SYNPR: variants seen among roughly 807,000 people sequenced by gnomAD.
SYNPR encodes synaptoporin.
In SYNPR, 23 loss-of-function variants were observed where a neutral mutation model predicts 32.9. The observed-to-expected ratio is 0.70, with a 90% CI of 0.50 to 0.99. The LOEUF (loss-of-function observed/expected upper bound fraction) is 0.99. Ranked by LOEUF, SYNPR falls within the 50% of genes least tolerant of loss-of-function variation. SYNPR has a pLI of 0.00. For missense variants in SYNPR, 318 were observed against 349.3 expected, an observed-to-expected ratio of 0.91 and a Z score of 0.71; for synonymous variants, 146 against 135.9, an observed-to-expected ratio of 1.07 and a Z score of -0.52.
intron 2 of SYNPR, among the ~76,000 whole-genome samples, chr3:63,361,480 C>T (rs2087660107): frequency 6.6e-6 from 1 of 151,726 alleles, no homozygotes; most frequent in Non-Finnish European, 1.5e-5. Context: ...CTCCTGTAGT[C>T]GCAGCTACTC....
rs59249020 is a variant in SYNPR, at chr3:63,300,331, T to TTCTATCTATCTA, written c.84+21602_84+21613dup. On this transcript the variant is annotated intron_variant, in intron 2 of 5. Coordinates refer to ENST00000478300, the MANE Select transcript of SYNPR (RefSeq NM_001130003.2). Reference sequence around the variant, plus strand: ...GTGTGAATTCTAGAACATTCTTTGCTTCTATCTATCTATCTATCTATCTAC... The same window carrying TTCTATCTATCTA: ...GTGTGAATTCTAGAACATTCTTTGCTTCTATCTATCTATCTATCTATCTATCTATCTATCTAC... 4.2e-3 allele frequency among the ~76,000 whole-genome samples: 643 copies of TTCTATCTATCTA among 151,438 alleles called. 4 individuals carry two copies. Among genetic ancestry groups the TTCTATCTATCTA allele is most frequent in the Non-Finnish European group, 4.7e-3 (322 of 67,822 alleles).
At chr3:63,368,679 T>C (rs2087756811) in intron 2 of SYNPR, among the ~76,000 whole-genome samples, 2 of 152,172 alleles carry the variant, frequency 1.3e-5, no homozygotes, top group South Asian at 4.1e-4. Context: ...GATCATATTT[T>C]CAATCAGAGG....
intron 3 of SYNPR, among the ~76,000 whole-genome samples, chr3:63,528,309 C>G (rs9848074): frequency 0.25 from 38,187 of 152,100 alleles, 4,947 homozygotes; most frequent in East Asian, 0.33. Flanking sequence ...GGTATCTTTT[C>G]TGAGGTCATG....
chr3:63,208,095 C>T, the SYNPR span, among the ~76,000 whole-genome samples: 6 of 151,874 alleles, frequency 4.0e-5, no homozygotes, highest in African/African-American at 1.5e-4. Context: ...CCAGAATATA[C>T]TTCCGAAAGT....
chr3:63,571,801 A>G (rs892866178), intron 4 of SYNPR, among the ~76,000 whole-genome samples: 1 of 152,150 alleles, frequency 6.6e-6, no homozygotes, highest in Admixed American at 6.6e-5. Context: ...TTTCCAGAAG[A>G]AAAAAATTGT....
intron 2 of SYNPR, among the ~76,000 whole-genome samples, chr3:63,441,757 AT>A (rs1700181034): frequency 1.3e-5 from 2 of 152,202 alleles, no homozygotes; most frequent in South Asian, 4.1e-4. Context: ...AGTTTGAAGA[AT>A]TGGTAAGCAC....
chr3:63,478,834 C>T (rs574163694), intron 2 of SYNPR, among the ~76,000 whole-genome samples: 1 of 152,290 alleles, frequency 6.6e-6, no homozygotes, highest in African/African-American at 2.4e-5. Context: ...TCTTTCTTAC[C>T]AAAGACACTA....
intron 3 of SYNPR, among the ~76,000 whole-genome samples, chr3:63,555,784 A>C (rs894584881): frequency 4.6e-5 from 7 of 152,196 alleles, no homozygotes; most frequent in African/African-American, 1.7e-4. Context: ...CAAGATTCCC[A>C]CTATCATGGA....
chr3:63,570,029 T>C (rs1180299850), intron 4 of SYNPR, among the ~76,000 whole-genome samples: 1 of 152,178 alleles, frequency 6.6e-6, no homozygotes, highest in East Asian at 1.9e-4. Context: ...CAGCTTTCAT[T>C]GGCTTTGTTT....
chr3:63,295,468 G>A (rs1184219346), intron 2 of SYNPR, among the ~76,000 whole-genome samples: 2 of 152,134 alleles, frequency 1.3e-5, no homozygotes, highest in Non-Finnish European at 2.9e-5. Context: ...TAACCTAGCA[G>A]TTTAACACAG....
chr3:63,541,439 G>A (rs1157873656), intron 3 of SYNPR, among the ~76,000 whole-genome samples: 1 of 151,854 alleles, frequency 6.6e-6, no homozygotes, highest in Admixed American at 6.6e-5. Context: ...GTCATTCTCC[G>A]GGACAGCAAA....
At chr3:63,278,615 A>T in intron 1 of SYNPR, 62 bp from the exon 2 acceptor site, 8 of 1,550,386 alleles carry the variant, frequency 5.2e-6, no homozygotes, top group Non-Finnish European at 7.0e-6. Flanking sequence ...GCGGCTTGGG[A>T]GAGGCGCCCC....
intron 2 of SYNPR, among the ~76,000 whole-genome samples, chr3:63,260,267 A>G (rs2086425992): frequency 6.6e-6 from 1 of 152,224 alleles, no homozygotes; most frequent in South Asian, 2.1e-4. Flanking sequence ...CGCCAAGTCA[A>G]TCCTAAGCCA....
At chr3:63,364,039 C>T (rs1283323809) in intron 2 of SYNPR, among the ~76,000 whole-genome samples, 1 of 152,162 alleles carries the variant, frequency 6.6e-6, no homozygotes, top group Non-Finnish European at 1.5e-5. Flanking sequence ...AAAATATTAA[C>T]AAATAGTATT....
intron 3 of SYNPR, among the ~76,000 whole-genome samples, chr3:63,538,426 G>T (rs923226468): frequency 1.3e-5 from 2 of 152,020 alleles, no homozygotes; most frequent in Non-Finnish European, 2.9e-5. Context: ...TATTCTCGGT[G>T]GAGTCAGAAC....
intron 2 of SYNPR, among the ~76,000 whole-genome samples, chr3:63,314,534 A>G (rs1474767229): frequency 2.0e-5 from 3 of 151,964 alleles, no homozygotes; most frequent in Non-Finnish European, 4.4e-5. Context: ...TCTACTGAGA[A>G]TTGTCTATTC....
intron 2 of SYNPR, among the ~76,000 whole-genome samples, chr3:63,429,697 T>C (rs560609728): frequency 6.6e-6 from 1 of 152,354 alleles, no homozygotes; most frequent in Admixed American, 6.5e-5. Flanking sequence ...ACATTGCTCT[T>C]TGCCAGAATG....
chr3:63,570,747 T>A (rs1003321662), intron 4 of SYNPR, among the ~76,000 whole-genome samples: 2 of 152,228 alleles, frequency 1.3e-5, no homozygotes, highest in African/African-American at 2.4e-5. Flanking sequence ...ATTATTACCT[T>A]GCACTTTCAT....
chr3:63,455,362 G>T (rs186814742), intron 2 of SYNPR, among the ~76,000 whole-genome samples: 12 of 152,188 alleles, frequency 7.9e-5, no homozygotes, highest in Admixed American at 7.2e-4. Context: ...TCTTATTGAG[G>T]TTAAAATTCA....
Sources: gnomAD v4.1 joint callset for allele counts (sites outside exome capture counted in the v4.1 genomes callset) on GRCh38, gnomAD v4.1.1 for gene constraint, MANE v1.5 for transcripts, NCBI Gene and HGNC (gene_info 2026-07-23, HGNC 2026-07-21) for gene names.